The following BIRC6 variants were observed in gnomAD, a reference collection of about 807,000 sequenced individuals.
The protein encoded by BIRC6 is dual E2 ubiquitin-conjugating enzyme/E3 ubiquitin-protein ligase BIRC6.
In BIRC6, 98 loss-of-function variants were observed where a neutral mutation model predicts 503.3. That is an observed-to-expected ratio of 0.19 (90% confidence interval 0.17 to 0.23). The LOEUF (loss-of-function observed/expected upper bound fraction) is 0.23, where lower values mean the gene tolerates loss of function less well. BIRC6 is among the 10% of genes least tolerant of loss of function. The pLI is 1.00. For missense variants in BIRC6, 5,360 were observed against 5,806.0 expected (o/e 0.92, Z 2.50); for synonymous variants, 2,240 against 2,078.7 (o/e 1.08, Z -2.11).
rs1355514153 is a variant in BIRC6 at position 32,547,943 on chromosome 2, T to C, written c.12904T>C (p.Ser4302Pro). 6.2e-7 allele frequency: 1 copy of C among 1,613,768 alleles called. No individual in the cohort carries two copies. The highest frequency in any genetic ancestry group is 1.1e-5 in the South Asian group (1 of 91,042). Reference protein sequence around the residue: ...GTGFGTGSTASGWDVEQALTK... With the variant: ...GTGFGTGSTAPGWDVEQALTK... ...TGGCTTTGGAACAGGCTCTACAGCT[T>C]CTGGGTGGGATGTGGAACAAGCCTT... Residue 4302 changes from serine (S) to proline (P), a missense_variant, in exon 64 of 74, where the codon TCT becomes CCT. This residue lies in a region of BIRC6 where 477 missense variants were observed against 574.4 expected (regional missense o/e 0.83). Coordinates refer to ENST00000421745, the MANE Select transcript of BIRC6 (RefSeq NM_016252.4).
intron 66 of BIRC6, among the ~76,000 whole-genome samples, chr2:32,591,998 A>G (rs2061410360): frequency 6.6e-6 from 1 of 152,226 alleles, no homozygotes; most frequent in Admixed American, 6.5e-5. Context: ...GTCTTTATTA[A>G]GAAGTGACTC....
At chr2:32,527,145 G>C (rs887882905) in intron 59 of BIRC6, 1 of 152,182 alleles carries the variant, frequency 6.6e-6, no homozygotes, top group East Asian at 1.9e-4. Context: ...TTTCACACTT[G>C]TTGTTTTCAA....
chr2:32,417,927 G>A (rs1051014820), intron 10 of BIRC6, among the ~76,000 whole-genome samples: 2 of 152,108 alleles, frequency 1.3e-5, no homozygotes, highest in South Asian at 2.1e-4. Context: ...CCACAGGTGC[G>A]CGTCACCACA....
chr2:32,514,936 A>T, intron 54 of BIRC6, 54 bp from the exon 55 acceptor site: 1 of 1,352,078 alleles, frequency 7.4e-7, no homozygotes, highest in Non-Finnish European at 1.0e-6. Context: ...TATTTGAAAT[A>T]GTTTCTTCTA....
chr2:32,563,505 A>T (rs1320730913), intron 65 of BIRC6: 1 of 152,206 alleles, frequency 6.6e-6, no homozygotes, highest in Non-Finnish European at 1.5e-5. Context: ...AAATAAAAAC[A>T]TTTATAAAAT....
chr2:32,519,806 C>T (rs1338917429), intron 57 of BIRC6, among the ~76,000 whole-genome samples: 3 of 152,198 alleles, frequency 2.0e-5, no homozygotes, highest in African/African-American at 7.2e-5. Flanking sequence ...GTGTGAGCTA[C>T]CGCGCCTGGC....
intron 47 of BIRC6, among the ~76,000 whole-genome samples, chr2:32,502,368 T>C (rs1177569720): frequency 3.3e-5 from 5 of 152,172 alleles, no homozygotes; most frequent in Non-Finnish European, 7.4e-5. Context: ...AGGAACCAGA[T>C]TATTTTACTT....
intron 23 of BIRC6, among the ~76,000 whole-genome samples, chr2:32,455,857 T>C (rs1421690070): frequency 6.6e-6 from 1 of 152,194 alleles, no homozygotes; most frequent in African/African-American, 2.4e-5. Flanking sequence ...TCACCCAAAA[T>C]GAAACTGCCT....
intron 23 of BIRC6, 31 bp from the exon 24 acceptor site, chr2:32,463,163 G>GT (rs762165237): frequency 1.9e-5 from 29 of 1,543,422 alleles, no homozygotes; most frequent in Non-Finnish European, 2.5e-5. Context: ...GGTGTTTTTT[G>GT]TTTTTGTTTT....
intron 20 of BIRC6, 117 bp downstream of exon 20, chr2:32,443,705 A>G (rs1014659111): frequency 1.2e-6 from 1 of 812,076 alleles, no homozygotes; most frequent in Admixed American, 3.1e-5. Context: ...TCTGTGGCTT[A>G]TCTGTATTTT....
chr2:32,546,018 T>G (rs1267786735), intron 63 of BIRC6, among the ~76,000 whole-genome samples, 158 bp downstream of exon 63: 1 of 152,240 alleles, frequency 6.6e-6, no homozygotes, highest in African/African-American at 2.4e-5. Flanking sequence ...TTAATTGTTT[T>G]CTCTATTAGT....
chr2:32,518,921 A>G lies in BIRC6; in HGVS notation c.11598A>G (p.Leu3866=). 6.2e-7 allele frequency: 1 copy of G among 1,613,800 alleles called. No homozygotes were observed. The highest frequency in any genetic ancestry group is 8.5e-7 in the Non-Finnish European group (1 of 1,179,798). Residue 3866 remains leucine, a synonymous_variant, in exon 57 of 74, where the codon TTA becomes TTG. Coordinates refer to ENST00000421745, the MANE Select transcript of BIRC6 (RefSeq NM_016252.4). ...TTCATTTGCCAGTCTCAACAACATT[A>G]TCAGATGTTCTTGACAGAGTGTCAG... ...RTLHLPVSTT[L]SDVLDRVSDT...
intron 32 of BIRC6, 152 bp from the exon 33 acceptor site, chr2:32,472,960 T>A: frequency 1.6e-6 from 1 of 611,924 alleles, no homozygotes; most frequent in South Asian, 2.4e-5. Flanking sequence ...TAGAATCAGA[T>A]CTTCTAGCAA....
Position 32,515,678 on chromosome 2 carries a change from A to G in BIRC6, c.11257A>G (p.Thr3753Ala). The G allele has an allele frequency of 2.5e-6, 4 of 1,607,036 alleles. No individual in the cohort carries two copies. Among genetic ancestry groups the G allele is most frequent in the East Asian group, 2.2e-5 (1 of 44,874 alleles). Residue 3753 changes from threonine to alanine, a missense_variant, in exon 55 of 74, where the codon ACT becomes GCT. Thr to Ala is a moderately conservative substitution (Grantham distance 58). This residue lies in a region of BIRC6 where 878 missense variants were observed against 928.9 expected (regional missense o/e 0.95). Transcript: ENST00000421745. ...LSSAATTGLT[T>A]QQRTAIENAT... ...TTCAGCTGCTACAACAGGACTGACTACTCAACAGCGCACAGCAATTGAGAA... is the reference window on the plus strand; with the variant it reads ...TTCAGCTGCTACAACAGGACTGACTGCTCAACAGCGCACAGCAATTGAGAA...
chr2:32,572,601 T>A (rs936139620), intron 65 of BIRC6, among the ~76,000 whole-genome samples: 2 of 152,188 alleles, frequency 1.3e-5, no homozygotes, highest in Non-Finnish European at 2.9e-5. Context: ...TGCCTATCAG[T>A]TAGTAACTTT....
intron 66 of BIRC6, among the ~76,000 whole-genome samples, chr2:32,582,226 G>A (rs1287893984): frequency 6.6e-6 from 1 of 152,154 alleles, no homozygotes; most frequent in Non-Finnish European, 1.5e-5. Context: ...AAAGGAAGCT[G>A]GGCTGGATAT....
intron 51 of BIRC6, among the ~76,000 whole-genome samples, chr2:32,508,537 A>AT (rs2054049648): frequency 2.0e-5 from 3 of 151,748 alleles, no homozygotes; most frequent in Admixed American, 1.3e-4. Flanking sequence ...CTGGCTTGTA[A>AT]TTTTTTGTAT....
chr2:32,567,282 AT>A (rs1480119251), intron 65 of BIRC6, among the ~76,000 whole-genome samples: 6 of 152,130 alleles, frequency 3.9e-5, no homozygotes, highest in Non-Finnish European at 1.5e-5. Flanking sequence ...CCCACTTCTT[AT>A]GCTTTTTTAA....
At chr2:32,430,163 C>G (rs79959783) in intron 11 of BIRC6, among the ~76,000 whole-genome samples, 1 of 152,136 alleles carries the variant, frequency 6.6e-6, no homozygotes, top group South Asian at 2.1e-4. Flanking sequence ...TGTGAAAATA[C>G]TCTAAACCTA....
Sources: gnomAD v4.1 joint callset for allele counts (sites outside exome capture counted in the v4.1 genomes callset) on GRCh38, gnomAD v4.1.1 for gene constraint, gnomAD v4.1.1 regional missense constraint, MANE v1.5 for transcripts, NCBI Gene and HGNC (gene_info 2026-07-23, HGNC 2026-07-21) for gene names.